PGM2L1: variants seen among roughly 807,000 people sequenced by gnomAD.
The protein encoded by PGM2L1 is phosphoglucomutase 2 like 1, also known as glucose 1,6-bisphosphate synthase.
Under a neutral mutation model 73.4 loss-of-function variants are expected in PGM2L1, and 35 were observed. The observed-to-expected ratio is 0.48, with a 90% CI of 0.36 to 0.63. PGM2L1 has a LOEUF of 0.63. Among genes scored for constraint, PGM2L1 ranks in the 30% least tolerant of loss-of-function variants. The pLI is 0.00. For missense variants in PGM2L1, 570 were observed against 742.0 expected, an observed-to-expected ratio of 0.77 and a Z score of 2.69; for synonymous variants, 225 against 253.8, an observed-to-expected ratio of 0.89 and a Z score of 1.08.
intron 6 of PGM2L1, among the ~76,000 whole-genome samples, chr11:74,350,978 C>T (rs1408872663): frequency 6.6e-6 from 1 of 152,152 alleles, no homozygotes; most frequent in Non-Finnish European, 1.5e-5. Flanking sequence ...CAGCCCCCAA[C>T]CCTTTCATTC....
At chr11:74,384,659 G>A (rs1405634998) in intron 1 of PGM2L1, among the ~76,000 whole-genome samples, 2 of 151,912 alleles carry the variant, frequency 1.3e-5, no homozygotes, top group Admixed American at 1.3e-4. Flanking sequence ...CAGGAAACTT[G>A]TTGTTGTTGT....
At chr11:74,356,682 AG>A (rs1203494103) in intron 5 of PGM2L1, among the ~76,000 whole-genome samples, 1 of 152,254 alleles carries the variant, frequency 6.6e-6, no homozygotes, top group Non-Finnish European at 1.5e-5. Flanking sequence ...TCTGCAAAAC[AG>A]ATGGCCAAGA....
chr11:74,396,776 T>G (rs1863183915), intron 1 of PGM2L1, among the ~76,000 whole-genome samples: 1 of 152,220 alleles, frequency 6.6e-6, no homozygotes, highest in South Asian at 2.1e-4. Flanking sequence ...AGAATTTGTA[T>G]TTCAAGATCC....
At chr11:74,377,782 A>C (rs1220008790) in intron 1 of PGM2L1, among the ~76,000 whole-genome samples, 1 of 152,172 alleles carries the variant, frequency 6.6e-6, no homozygotes, top group Non-Finnish European at 1.5e-5. Flanking sequence ...ATAATTTTTT[A>C]CCTCACAAAT....
chr11:74,381,399 T>C (rs1862942299), intron 1 of PGM2L1, among the ~76,000 whole-genome samples: 1 of 151,686 alleles, frequency 6.6e-6, no homozygotes, highest in South Asian at 2.1e-4. Flanking sequence ...CCTAGAGGAG[T>C]ATGTAGCAAC....
chr11:74,386,485 T>C (rs1218966261), intron 1 of PGM2L1, among the ~76,000 whole-genome samples: 1 of 151,902 alleles, frequency 6.6e-6, no homozygotes, highest in Admixed American at 6.5e-5. Flanking sequence ...AAAAACTTTT[T>C]TTTTTTTTGA....
intron 5 of PGM2L1, among the ~76,000 whole-genome samples, chr11:74,351,981 AAT>A (rs1263754286): frequency 1.3e-5 from 2 of 148,198 alleles, no homozygotes; most frequent in African/African-American, 4.9e-5. Flanking sequence ...AATAAATAAA[AAT>A]AAAAATAAAA....
chr11:74,347,670 G>A (rs1348561821), intron 6 of PGM2L1, among the ~76,000 whole-genome samples: 4 of 152,024 alleles, frequency 2.6e-5, no homozygotes, highest in Non-Finnish European at 4.4e-5. Context: ...GGTCTTTCTC[G>A]CTTGCCAGTA....
chr11:74,355,105 G>A (rs1216171452), intron 5 of PGM2L1: 4 of 1,281,852 alleles, frequency 3.1e-6, no homozygotes, highest in East Asian at 2.3e-5. Context: ...GGTTGTGGAG[G>A]AAACTTCAGT....
intron 1 of PGM2L1, among the ~76,000 whole-genome samples, chr11:74,393,388 A>C (rs1863131138): frequency 6.6e-6 from 1 of 152,218 alleles, no homozygotes. Flanking sequence ...CCTGGAGTAG[A>C]CCACCTTTGT....
chr11:74,354,941 A>T, intron 5 of PGM2L1: 1 of 931,182 alleles, frequency 1.1e-6, no homozygotes, highest in South Asian at 1.3e-5. Flanking sequence ...TCATTCAGAA[A>T]TACCACACTG....
At position 74,338,618 on chromosome 11, in the gene PGM2L1, C is replaced by A. The variant is rs779908634; in HGVS notation, c.1633-17G>T. 2 of 1,570,700 alleles carry A rather than the reference C, an allele frequency of 1.3e-6. No individual in the cohort carries two copies. The highest frequency in any genetic ancestry group is 8.7e-7 in the Non-Finnish European group (1 of 1,149,978). ...AGGCAGCACCTATGCAAAATGGCAA[C>A]AACAGCTTAATTATACTTGGCATCT... On this transcript the variant is annotated splice_polypyrimidine_tract_variant and intron_variant, in intron 12 of 13. Transcript: ENST00000298198.
intron 5 of PGM2L1, chr11:74,355,115 T>G: frequency 7.8e-7 from 1 of 1,284,026 alleles, no homozygotes; most frequent in Non-Finnish European, 1.1e-6. Flanking sequence ...GAAACTTCAG[T>G]GGTTGTGGTG....
At chr11:74,338,885 G>T (rs555138590) in intron 12 of PGM2L1, among the ~76,000 whole-genome samples, 98 of 152,174 alleles carry the variant, frequency 6.4e-4, no homozygotes, top group Middle Eastern at 6.8e-3. Flanking sequence ...AAATGGTTAA[G>T]ATAGTTAATT....
intron 2 of PGM2L1, among the ~76,000 whole-genome samples, chr11:74,372,733 G>T (rs1862788579): frequency 6.6e-6 from 1 of 152,108 alleles, no homozygotes; most frequent in South Asian, 2.1e-4. Context: ...AAGTTATACT[G>T]ATTTATTGAA....
chr11:74,395,052 G>A (rs2134959682), intron 1 of PGM2L1, among the ~76,000 whole-genome samples: 1 of 152,204 alleles, frequency 6.6e-6, no homozygotes, highest in African/African-American at 2.4e-5. Flanking sequence ...CCCTGAGACA[G>A]TCTAGCTTAC....
intron 5 of PGM2L1, chr11:74,355,020 A>G: frequency 7.7e-7 from 1 of 1,297,662 alleles, no homozygotes; most frequent in Non-Finnish European, 1.1e-6. Flanking sequence ...TGCTTCATCC[A>G]GCCAAAGAGG....
chr11:74,340,820 G>A (rs548603554), intron 12 of PGM2L1, among the ~76,000 whole-genome samples: 69 of 152,244 alleles, frequency 4.5e-4, no homozygotes, highest in East Asian at 4.3e-3. Context: ...CCTAGAGGTC[G>A]CGTGGAACAG....
chr11:74,356,889 A>G (rs1206415670), intron 5 of PGM2L1, among the ~76,000 whole-genome samples: 8 of 152,040 alleles, frequency 5.3e-5, no homozygotes, highest in African/African-American at 1.9e-4. Flanking sequence ...GCTGGAGTGC[A>G]ATGGTGCAGT....
Sources: allele counts gnomAD v4.1 joint callset (sites outside exome capture counted in the v4.1 genomes callset), GRCh38; gene constraint gnomAD v4.1.1; transcripts MANE v1.5; gene names NCBI Gene and HGNC (gene_info 2026-07-23, HGNC 2026-07-21).